FAM234A: variants seen among roughly 807,000 people sequenced by gnomAD.
FAM234A encodes protein FAM234A.
FAM234A carries 42 observed loss-of-function variants against 49.1 expected under a neutral mutation model. That is an observed-to-expected ratio of 0.86 (90% CI 0.67 to 1.11). FAM234A has a LOEUF of 1.11. Among genes scored for constraint, FAM234A ranks in the 50% least tolerant of loss-of-function variants. FAM234A has a pLI of 0.00. For synonymous variants in FAM234A, 369 were observed against 316.2 expected (o/e 1.17, Z -1.77); for missense variants, 815 against 745.2 (o/e 1.09, Z -1.09).
Position 265,604 on chromosome 16 carries a change from G to T in FAM234A, c.*582G>T, listed in dbSNP as rs529919898. 2.0e-6 allele frequency: 2 copies of T among 985,734 alleles called. No homozygotes were observed. Among genetic ancestry groups the T allele is most frequent in the South Asian group, 4.7e-5 (1 of 21,298 alleles). The allele number at this position is 985,734 out of a possible 1,614,324, so 61.1% of individuals were successfully genotyped here. ...GAGCTACAGGGGGATCCTCTAGCAT[G>T]GGGGGTGTGACTTGGTTCCTTTGAC... On this transcript the variant is annotated 3_prime_UTR_variant, in exon 13 of 13. Coordinates refer to ENST00000399932, the MANE Select transcript of FAM234A (RefSeq NM_032039.4).
intron 2 of FAM234A, among the ~76,000 whole-genome samples, chr16:251,695 T>G (rs2051018416): frequency 6.9e-6 from 1 of 145,148 alleles, no homozygotes; most frequent in Admixed American, 6.8e-5. Flanking sequence ...TTTTTTTTTT[T>G]TTTTTTTTTT....
Position 260,615 on chromosome 16 carries a change from G to A in FAM234A, c.577+455G>A, listed in dbSNP as rs572906228. ...TCCGAGCCCCAGCGGAGCCGGCCTCGTGGAAGGACGAGGGAAAGAATGCGT... is the reference window on the plus strand; with the variant it reads ...TCCGAGCCCCAGCGGAGCCGGCCTCATGGAAGGACGAGGGAAAGAATGCGT... On this transcript the variant is annotated intron_variant, in intron 5 of 12. Transcript: ENST00000399932. The A allele has an allele frequency of 2.0e-4, 96 of 473,878 alleles. No homozygotes were observed. The Middle Eastern group carries it at 2.3e-3, about 11-fold the overall frequency. 29.4% of individuals were successfully genotyped at this position (473,878 alleles called of 1,614,324 possible). A position where few individuals can be genotyped will look rare whatever the true frequency, so the allele number is the denominator to read the frequency against.
intron 1 of FAM234A, among the ~76,000 whole-genome samples, chr16:244,121 A>G (rs2050713396): frequency 6.6e-6 from 1 of 152,078 alleles, no homozygotes; most frequent in East Asian, 1.9e-4. Context: ...GGCACCCGCC[A>G]CCACGCCCGG....
In FAM234A at chr16:264,658, C is replaced by A; in HGVS notation, c.1389C>A (p.Thr463=). ...ACAGCCTGTACATGTTCCACCCCAC[C>A]CTGCCGCGCGTGCTGCTGGAGCTGG... ...ARHSLYMFHP[T]LPRVLLELAN... The change falls in exon 12 of 13, where the codon ACC becomes ACA. Residue 463 remains threonine (T), a synonymous_variant. Coordinates refer to ENST00000399932, the MANE Select transcript of FAM234A (RefSeq NM_032039.4). 2 of 1,612,046 alleles carry A rather than the reference C, an allele frequency of 1.2e-6. No homozygotes were observed. The highest frequency in any genetic ancestry group is 1.7e-6 in the Non-Finnish European group (2 of 1,179,974).
intron 3 of FAM234A, among the ~76,000 whole-genome samples, chr16:255,863 G>A (rs58450663): frequency 0.036 from 5,462 of 152,180 alleles, 357 homozygotes; most frequent in African/African-American, 0.12. Context: ...GGGTTTCTCC[G>A]TGTTGGTCAG....
At chr16:240,626 C>T (rs141271404) in intron 1 of FAM234A, among the ~76,000 whole-genome samples, 2,938 of 152,210 alleles carry the variant, frequency 0.019, 82 homozygotes, top group African/African-American at 0.067. Flanking sequence ...CCTCAGCCTC[C>T]CTAGTAGCTG....
rs147855993 is a variant in FAM234A at position 245,043 on chromosome 16, G to C, written c.-139-4506G>C. On this transcript the variant is annotated intron_variant, in intron 1 of 12. Coordinates refer to ENST00000399932, the MANE Select transcript of FAM234A (RefSeq NM_032039.4). ...ACTATTGTACTGCAGACCTGTTATCGTATATTCTCACCAACACATTTTAAA... is the reference window on the plus strand; with the variant it reads ...ACTATTGTACTGCAGACCTGTTATCCTATATTCTCACCAACACATTTTAAA... 7.9e-4 allele frequency among the ~76,000 whole-genome samples: 120 copies of C among 151,858 alleles called. 1 individual carries two copies. Among genetic ancestry groups the C allele is most frequent in the African/African-American group, 2.6e-3 (106 of 41,422 alleles).
rs960694866 is a variant in FAM234A at position 249,552 on chromosome 16, C to T, written c.-136C>T. 4 of 152,038 alleles carry T rather than the reference C, an allele frequency of 2.6e-5. No individual in the cohort carries two copies. Among genetic ancestry groups the T allele is most frequent in the African/African-American group, 9.7e-5 (4 of 41,268 alleles). 9.4% of individuals were successfully genotyped at this position (152,038 alleles called of 1,614,324 possible). Reference sequence around the variant, plus strand: ...CAAGTGGCTTTATGATCCCTAGGTCCACCTGGGCTTGCGAAGGCACAGATT... The same window carrying T: ...CAAGTGGCTTTATGATCCCTAGGTCTACCTGGGCTTGCGAAGGCACAGATT... On this transcript the variant is annotated 5_prime_UTR_variant, in exon 2 of 13. Transcript: ENST00000399932.
intron 1 of FAM234A, among the ~76,000 whole-genome samples, chr16:240,524 C>T (rs1314767708): frequency 6.8e-6 from 1 of 146,422 alleles, no homozygotes; most frequent in African/African-American, 2.5e-5. Context: ...TTTTTTGAGA[C>T]AGAGTCTTGC....
Position 265,685 on chromosome 16 carries a change from C to T in FAM234A, c.*663C>T. The T allele has an allele frequency of 3.0e-6, 3 of 985,530 alleles. No homozygotes were observed. Among genetic ancestry groups the T allele is most frequent in the Non-Finnish European group, 2.4e-6 (2 of 830,030 alleles). 61.0% of individuals were successfully genotyped at this position (985,530 alleles called of 1,614,324 possible). On this transcript the variant is annotated 3_prime_UTR_variant, in exon 13 of 13. Coordinates refer to ENST00000399932, the MANE Select transcript of FAM234A (RefSeq NM_032039.4). ...TCTCCCCCAGCAGGATGGGTGGGGC[C>T]TGCTCTGGAGCTGAGCCCGTGGCCG...
intron 1 of FAM234A, among the ~76,000 whole-genome samples, chr16:247,664 C>T (rs2050861367): frequency 6.6e-6 from 1 of 151,942 alleles, no homozygotes. Context: ...AACTCCTGAC[C>T]TCAGGTACTC....
chr16:252,233 G>A (rs1197448846), intron 2 of FAM234A, among the ~76,000 whole-genome samples: 3 of 145,224 alleles, frequency 2.1e-5, no homozygotes, highest in African/African-American at 5.1e-5. Context: ...CCAGGCTGGA[G>A]TGCAGTGGCG....
chr16:234,836 G>T lies in FAM234A; in HGVS notation c.-161G>T, dbSNP rs895319375. 2.0e-5 allele frequency: 3 copies of T among 152,620 alleles called. No homozygotes were observed. Among genetic ancestry groups the T allele is most frequent in the Non-Finnish European group, 2.9e-5 (2 of 68,200 alleles). 9.5% of individuals were successfully genotyped at this position (152,620 alleles called of 1,614,324 possible). A position where few individuals can be genotyped will look rare whatever the true frequency, so the allele number is the denominator to read the frequency against. On this transcript the variant is annotated 5_prime_UTR_variant, in exon 1 of 13. Coordinates refer to ENST00000399932, the MANE Select transcript of FAM234A (RefSeq NM_032039.4). ...AGGGGGCGGGGCCAGCGGCGCGGTC[G>T]GGTGAGAGGCCGCGGCGGCAGGTGA...
At chr16:241,905 CAAAAA>C (rs370983209) in intron 1 of FAM234A, among the ~76,000 whole-genome samples, 1 of 79,068 alleles carries the variant, frequency 1.3e-5, no homozygotes. Context: ...GACAACGTCT[CAAAAA>C]AAAAAAAAAA....
chr16:254,532 C>A lies in FAM234A; in HGVS notation c.119C>A (p.Pro40Gln), dbSNP rs1479802845. ...GAGGATAACGTGAAAAGCGCGCCTCCACAGTCCCGGCTCTCCCGGTGCCGA... is the reference window on the plus strand; with the variant it reads ...GAGGATAACGTGAAAAGCGCGCCTCAACAGTCCCGGCTCTCCCGGTGCCGA... ...KNEDNVKSAP[P>Q]QSRLSRCRAA... Residue 40 changes from proline to glutamine, a missense_variant, in exon 3 of 13, where the codon CCA becomes CAA. Physicochemically the swap from Pro to Gln is moderately conservative, Grantham distance 76 (BLOSUM62 -1). Transcript: ENST00000399932. The A allele has an allele frequency of 6.2e-7, 1 of 1,614,134 alleles. No individual in the cohort carries two copies. The highest frequency in any genetic ancestry group is 8.5e-7 in the Non-Finnish European group (1 of 1,180,066).
chr16:250,914 T>G (rs1435642277), intron 2 of FAM234A, among the ~76,000 whole-genome samples: 1 of 152,246 alleles, frequency 6.6e-6, no homozygotes, highest in African/African-American at 2.4e-5. Context: ...AATTATGCAC[T>G]GTATTATGGA....
downstream of FAM234A, among the ~76,000 whole-genome samples, chr16:267,142 C>T (rs1263773357): frequency 1.3e-5 from 2 of 149,112 alleles, no homozygotes; most frequent in African/African-American, 5.1e-5. Flanking sequence ...AGAGTCTGGG[C>T]CATGCCATGC....
intron 8 of FAM234A, 130 bp downstream of exon 8, chr16:262,683 G>T: frequency 2.3e-6 from 2 of 872,960 alleles, no homozygotes; most frequent in Non-Finnish European, 3.2e-6. Context: ...TCGGGGTACC[G>T]CAAGGTCACC....
At chr16:252,815 C>G (rs1314682426) in intron 2 of FAM234A, among the ~76,000 whole-genome samples, 4 of 152,212 alleles carry the variant, frequency 2.6e-5, no homozygotes, top group Admixed American at 2.6e-4. Flanking sequence ...CTTCCTGACC[C>G]TTCCCCAGAG....
Sources: allele counts gnomAD v4.1 joint callset (sites outside exome capture counted in the v4.1 genomes callset), GRCh38; gene constraint gnomAD v4.1.1; transcripts MANE v1.5; gene names NCBI Gene and HGNC (gene_info 2026-07-23, HGNC 2026-07-21).